Variants in CNIH3 observed in about 807,000 individuals in gnomAD.
CNIH3 encodes the protein protein cornichon homolog 3.
A neutral mutation model predicts 24.1 loss-of-function variants in CNIH3; 14 were observed. The observed-to-expected ratio is 0.58, with a 90% confidence interval of 0.38 to 0.91. CNIH3 has a LOEUF of 0.91. Ranked by LOEUF, CNIH3 falls within the 40% of genes least tolerant of loss-of-function variation. The pLI is 0.00. For missense variants in CNIH3, 178 were observed against 196.8 expected (o/e 0.90, Z 0.57); for synonymous variants, 68 against 73.8 (o/e 0.92, Z 0.40).
At chr1:224,453,931 T>C (rs1675536789) in intron 1 of CNIH3, among the ~76,000 whole-genome samples, 2 of 152,150 alleles carry the variant, frequency 1.3e-5, no homozygotes, top group Non-Finnish European at 2.9e-5. Flanking sequence ...TCAGTTTGTT[T>C]AGACACTAGT....
chr1:224,525,459 A>T (rs1179206331), intron 2 of CNIH3, among the ~76,000 whole-genome samples: 1 of 152,190 alleles, frequency 6.6e-6, no homozygotes, highest in African/African-American at 2.4e-5. Context: ...CCCTCCTCCC[A>T]AGTGAAGAGC....
intron 1 of CNIH3, among the ~76,000 whole-genome samples, chr1:224,648,407 T>A: frequency 7.1e-6 from 1 of 140,778 alleles, no homozygotes; most frequent in Non-Finnish European, 1.5e-5. Flanking sequence ...CCAGACTCTG[T>A]CTCAGGAAAA....
rs553349693 is a variant in CNIH3, at chr1:224,436,555, A to G, written n.203+1693A>G. Among the ~76,000 whole-genome samples the G allele has an allele frequency of 3.3e-5, 5 of 152,324 alleles. No homozygotes were observed. In the East Asian group the frequency reaches 5.8e-4, roughly 18 times the overall value. Reference sequence around the variant, plus strand: ...TGGATTCCATTGCTATCTAAACTCTATATTCCAGTTTTTCTAATTTTTAGG... The same window carrying G: ...TGGATTCCATTGCTATCTAAACTCTGTATTCCAGTTTTTCTAATTTTTAGG... On this transcript the variant is annotated intron_variant and non_coding_transcript_variant, in intron 1 of 5. Transcript: ENST00000471578.
At chr1:224,435,022 C>G in intron 1 of CNIH3, 2 of 985,578 alleles carry the variant, frequency 2.0e-6, no homozygotes, top group Non-Finnish European at 2.4e-6. Context: ...GGCCTTTCCC[C>G]TTGCGCCCTG....
upstream of CNIH3, among the ~76,000 whole-genome samples, chr1:224,513,366 G>A (rs1367120109): frequency 7.0e-6 from 1 of 142,876 alleles, no homozygotes; most frequent in African/African-American, 2.5e-5. Context: ...GGGTGGGAGG[G>A]GGGGGGTCTC....
chr1:224,515,568 A>G (rs987839114), upstream of CNIH3, among the ~76,000 whole-genome samples: 10 of 152,210 alleles, frequency 6.6e-5, no homozygotes, highest in Admixed American at 3.3e-4. Flanking sequence ...CCCTTGAAAT[A>G]TGGCTAACAA....
chr1:224,541,098 A>C (rs192738663), downstream of CNIH3, among the ~76,000 whole-genome samples: 205 of 152,312 alleles, frequency 1.3e-3, no homozygotes, highest in Middle Eastern at 0.027. Flanking sequence ...CTGTATTGGC[A>C]TGTATGTAAG....
chr1:224,626,004 A>G (rs940763695), intron 1 of CNIH3, among the ~76,000 whole-genome samples: 1 of 152,132 alleles, frequency 6.6e-6, no homozygotes, highest in Non-Finnish European at 1.5e-5. Flanking sequence ...CTAGGTGTAG[A>G]TAGTCCCCTT....
At chr1:224,733,995 A>G (rs1052211507) in intron 4 of CNIH3, among the ~76,000 whole-genome samples, 1 of 151,830 alleles carries the variant, frequency 6.6e-6, no homozygotes, top group Non-Finnish European at 1.5e-5. Flanking sequence ...CCTCTTTCCC[A>G]CCTACGTTCT....
intron 1 of CNIH3, among the ~76,000 whole-genome samples, chr1:224,457,960 G>A (rs947484848): frequency 3.3e-5 from 5 of 152,198 alleles, no homozygotes; most frequent in African/African-American, 1.2e-4. Context: ...TAGGTGTGGG[G>A]AGGAAGCAGA....
chr1:224,679,192 T>G (rs1200844045), intron 1 of CNIH3, among the ~76,000 whole-genome samples: 1 of 152,176 alleles, frequency 6.6e-6, no homozygotes, highest in Non-Finnish European at 1.5e-5. Flanking sequence ...TTTGTATTTT[T>G]TTTTGTACAT....
At chr1:224,656,551 G>A (rs1466906805) in intron 1 of CNIH3, among the ~76,000 whole-genome samples, 1 of 152,128 alleles carries the variant, frequency 6.6e-6, no homozygotes, top group Non-Finnish European at 1.5e-5. Context: ...CGGGCGGCGG[G>A]GGGGCGGTGT....
intron 1 of CNIH3, among the ~76,000 whole-genome samples, chr1:224,621,246 A>G (rs777710255): frequency 3.4e-4 from 52 of 152,346 alleles, no homozygotes; most frequent in Non-Finnish European, 3.2e-4. Context: ...GATGACATAC[A>G]TATGTGCCGA....
intron 3 of CNIH3, among the ~76,000 whole-genome samples, chr1:224,722,684 A>G (rs1358813031): frequency 3.3e-5 from 5 of 152,104 alleles, no homozygotes; most frequent in African/African-American, 1.2e-4. Flanking sequence ...GCAGTCAGCA[A>G]TCTGGGGTTT....
chr1:224,615,429 T>G (rs925536782), upstream of CNIH3: 1 of 152,198 alleles, frequency 6.6e-6, no homozygotes, highest in Non-Finnish European at 1.5e-5. Flanking sequence ...GCTGGGCCAC[T>G]GGGGGAAAGG....
intron 4 of CNIH3, among the ~76,000 whole-genome samples, chr1:224,567,077 G>A (rs911023816): frequency 1.3e-5 from 2 of 152,162 alleles, no homozygotes; most frequent in Non-Finnish European, 2.9e-5. Flanking sequence ...GCATGAGATG[G>A]TATCTCATTG....
rs1172833149 is a variant in CNIH3, at chr1:224,654,939, G to A, written c.82-26019G>A. 4.6e-5 allele frequency among the ~76,000 whole-genome samples: 7 copies of A among 152,100 alleles called. 1 individual carries two copies. The highest frequency in any genetic ancestry group is 4.6e-4 in the Admixed American group (7 of 15,284). Reference sequence around the variant, plus strand: ...AAATGCAACTTGACCTAACCTTCAGGTCTCTCTTTGGCTCGTGTATCTTTT... The same window carrying A: ...AAATGCAACTTGACCTAACCTTCAGATCTCTCTTTGGCTCGTGTATCTTTT... On this transcript the variant is annotated intron_variant, in intron 1 of 5. Coordinates refer to ENST00000272133, the MANE Select transcript of CNIH3 (RefSeq NM_152495.2).
chr1:224,443,507 C>T (rs532006271), intron 1 of CNIH3, among the ~76,000 whole-genome samples: 83 of 152,052 alleles, frequency 5.5e-4, no homozygotes, highest in African/African-American at 2.0e-3. Flanking sequence ...AGCTTAATAT[C>T]GAGGGACAAG....
intron 1 of CNIH3, among the ~76,000 whole-genome samples, chr1:224,452,546 C>T (rs1675448207): frequency 6.6e-6 from 1 of 151,658 alleles, no homozygotes; most frequent in African/African-American, 2.4e-5. Context: ...CTTTGGGAGG[C>T]CAAGGTGGGC....
Sources: gnomAD v4.1 joint callset for allele counts (sites outside exome capture counted in the v4.1 genomes callset) on GRCh38, gnomAD v4.1.1 for gene constraint, MANE v1.5 for transcripts, NCBI Gene and HGNC (gene_info 2026-07-23, HGNC 2026-07-21) for gene names.